Variants in TRAPPC8 observed in about 807,000 individuals in gnomAD.
TRAPPC8 encodes general sporulation gene 1 homolog.
TRAPPC8 carries 54 observed loss-of-function variants against 174.3 expected under a neutral mutation model. That is an observed-to-expected ratio of 0.31 (90% CI 0.25 to 0.39). TRAPPC8 has a LOEUF of 0.39. TRAPPC8 is among the 10% of genes least tolerant of loss of function. The probability of loss-of-function intolerance (pLI) is 1.00; values close to 1 mark genes in which losing one functional copy is unlikely to be tolerated. For synonymous variants in TRAPPC8, 630 were observed against 579.9 expected (o/e 1.09, Z -1.24); for missense variants, 1,531 against 1,699.1 (o/e 0.90, Z 1.74).
intron 11 of TRAPPC8, 123 bp from the exon 12 acceptor site, chr18:31,890,989 T>C (rs890854099): frequency 1.7e-5 from 15 of 867,418 alleles, no homozygotes; most frequent in African/African-American, 5.3e-5. Flanking sequence ...TAAGAGTATA[T>C]GAGGGCAAAG....
intron 1 of TRAPPC8, chr18:31,939,891 C>CA: frequency 6.6e-6 from 1 of 152,620 alleles, no homozygotes; most frequent in Non-Finnish European, 1.5e-5. Context: ...AACAAACAAA[C>CA]AAAAAAACTC....
In TRAPPC8 at chr18:31,855,683, C is replaced by G. The variant is rs775204782; in HGVS notation, c.3313G>C (p.Val1105Leu). The change falls in exon 21 of 29, where the codon GTG becomes CTG. Residue 1105 changes from valine (V) to leucine (L), a missense_variant. Transcript: ENST00000283351. ...ACAGTATTGGTATTTTCCACATCCA[C>G]AAAGACTAGCATATTGCCTCCTCTG... ...EGRGGNMLVF[V>L]DVENTNTSEA... 1.3e-6 allele frequency: 2 copies of G among 1,598,810 alleles called. No individual in the cohort carries two copies. Among genetic ancestry groups the G allele is most frequent in the Non-Finnish European group, 1.7e-6 (2 of 1,176,672 alleles).
intron 1 of TRAPPC8, among the ~76,000 whole-genome samples, chr18:31,942,144 C>T (rs966361070): frequency 5.9e-5 from 9 of 152,202 alleles, no homozygotes; most frequent in African/African-American, 1.9e-4. Flanking sequence ...ACCCTCAACG[C>T]TACAAGAATG....
intron 12 of TRAPPC8, among the ~76,000 whole-genome samples, chr18:31,876,850 G>C (rs2035179695): frequency 6.6e-6 from 1 of 152,270 alleles, no homozygotes; most frequent in Admixed American, 6.5e-5. Context: ...CAGGGACAAG[G>C]ATGTGGGTGG....
Position 31,854,965 on chromosome 18 carries a change from CAAAAAAAAA to C in TRAPPC8, c.3336+686_3336+694del, listed in dbSNP as rs71175798. ...TGGGCGACAGAGCAAGACTCCATCT[CAAAAAAAAA>C]AAAAAAAAAAAAAGAATATTCATTT... is the stretch of plus-strand genomic sequence containing the variant. On this transcript the variant is annotated intron_variant, in intron 21 of 28. Transcript: ENST00000283351. Among the ~76,000 whole-genome samples, 125 of 45,648 alleles carry C rather than the reference CAAAAAAAAA, an allele frequency of 2.7e-3. 2 individuals carry two copies. The highest frequency in any genetic ancestry group is 0.017 in the Admixed American group (57 of 3,394). 29.9% of individuals were successfully genotyped at this position (45,648 alleles called of 152,430 possible). A position where few individuals can be genotyped will look rare whatever the true frequency, so the allele number is the denominator to read the frequency against.
chr18:31,880,119 ATATTTT>A (rs1473363027), intron 12 of TRAPPC8, among the ~76,000 whole-genome samples: 961 of 72,712 alleles, frequency 0.013, 6 homozygotes, highest in African/African-American at 0.036. Flanking sequence ...ATATATATAT[ATATTTT>A]TTTTTTTTTA....
chr18:31,857,932 T>C lies in TRAPPC8; in HGVS notation c.2796A>G (p.Lys932=). ...TGACATTGACAAATTCTACATATGC[T>C]TTTCGGATTTCTCCACAGAGAAGCC... ...PTGLLCGEIR[K]AYVEFVNVSK... Residue 932 remains lysine (K), a synonymous_variant, in exon 20 of 29, where the codon AAA becomes AAG. Coordinates refer to ENST00000283351, the MANE Select transcript of TRAPPC8 (RefSeq NM_014939.5). 6.2e-7 allele frequency: 1 copy of C among 1,613,864 alleles called. No homozygotes were observed. The highest frequency in any genetic ancestry group is 8.5e-7 in the Non-Finnish European group (1 of 1,179,834).
At chr18:31,839,941 G>C (rs2032997215) in intron 26 of TRAPPC8, among the ~76,000 whole-genome samples, 1 of 152,142 alleles carries the variant, frequency 6.6e-6, no homozygotes, top group South Asian at 2.1e-4. Flanking sequence ...GCATTGTATA[G>C]TATAATCTAT....
intron 28 of TRAPPC8, 82 bp downstream of exon 28, chr18:31,832,002 C>T (rs375624916): frequency 2.2e-6 from 2 of 919,326 alleles, no homozygotes; most frequent in Non-Finnish European, 1.6e-6. Context: ...ACTTTCTTAT[C>T]CATGTTAGGT....
intron 25 of TRAPPC8, 69 bp from the exon 26 acceptor site, chr18:31,846,886 T>C: frequency 1.8e-6 from 2 of 1,115,810 alleles, no homozygotes; most frequent in Non-Finnish European, 1.3e-6. Flanking sequence ...AACCCAATAC[T>C]TGATAGAAAG....
chr18:31,860,631 C>G (rs1326641025), intron 19 of TRAPPC8, among the ~76,000 whole-genome samples: 1 of 152,148 alleles, frequency 6.6e-6, no homozygotes, highest in East Asian at 1.9e-4. Context: ...ATATTAGGCA[C>G]AGGAATATTC....
chr18:31,890,728 C>A lies in TRAPPC8; in HGVS notation c.1728+7G>T. 6.2e-7 allele frequency: 1 copy of A among 1,603,926 alleles called. No homozygotes were observed. Among genetic ancestry groups the A allele is most frequent in the East Asian group, 2.2e-5 (1 of 44,486 alleles). ...GCAACTTTTCATTGTAAAGCAAATG[C>A]ACTCACCTGCCCTGCTTTACTAAAT... On this transcript the variant is annotated splice_region_variant and intron_variant, in intron 12 of 28. Coordinates refer to ENST00000283351, the MANE Select transcript of TRAPPC8 (RefSeq NM_014939.5).
At position 31,866,891 on chromosome 18, in the gene TRAPPC8, T is replaced by C. The variant is rs1368380256; in HGVS notation, c.2548A>G (p.Met850Val). ...VYNLGTIQGS[M>V]TVDGIGALPG... is the part of the protein sequence containing the mutation. ...AGAGCACCAATGCCATCTACTGTCATAGAGCCCTGAATAGTGCCAAGATTA... is the reference window on the plus strand; with the variant it reads ...AGAGCACCAATGCCATCTACTGTCACAGAGCCCTGAATAGTGCCAAGATTA... Residue 850 changes from methionine (M) to valine (V), a missense_variant, in exon 18 of 29, where the codon ATG becomes GTG. Coordinates refer to ENST00000283351, the MANE Select transcript of TRAPPC8 (RefSeq NM_014939.5). 4 of 1,613,768 alleles carry C rather than the reference T, an allele frequency of 2.5e-6. No homozygotes were observed. The highest frequency in any genetic ancestry group is 2.2e-5 in the East Asian group (1 of 44,796).
At position 31,857,733 on chromosome 18, in the gene TRAPPC8, CTGA is replaced by C; in HGVS notation, c.2992_2994del (p.Ser998del). The C allele has an allele frequency of 1.2e-6, 2 of 1,614,094 alleles. No individual in the cohort carries two copies. Among genetic ancestry groups the C allele is most frequent in the South Asian group, 1.1e-5 (1 of 91,078 alleles). On this transcript the variant is annotated inframe_deletion, in exon 20 of 29. Coordinates refer to ENST00000283351, the MANE Select transcript of TRAPPC8 (RefSeq NM_014939.5). ...CCAATGCCAAAGTCTACAGAAGAAG[CTGA>C]TGATATGAGTGCTGTACACACAGAG...
At chr18:31,839,768 T>G (rs534681566) in intron 26 of TRAPPC8, among the ~76,000 whole-genome samples, 1 of 152,218 alleles carries the variant, frequency 6.6e-6, no homozygotes, top group South Asian at 2.1e-4. Context: ...TTTCTTCATA[T>G]GTAAAAAGAA....
intron 14 of TRAPPC8, among the ~76,000 whole-genome samples, chr18:31,871,410 T>C (rs1314818804): frequency 1.3e-5 from 2 of 152,208 alleles, no homozygotes; most frequent in South Asian, 2.1e-4. Flanking sequence ...TGGAGACTAA[T>C]ATAACAAATA....
intron 12 of TRAPPC8, among the ~76,000 whole-genome samples, chr18:31,875,511 G>A (rs2035099513): frequency 6.6e-6 from 1 of 152,140 alleles, no homozygotes; most frequent in Non-Finnish European, 1.5e-5. Flanking sequence ...AGTGGGCTAG[G>A]ACAGCAGCAC....
chr18:31,910,500 C>T (rs972449890), intron 5 of TRAPPC8, among the ~76,000 whole-genome samples: 156 of 152,230 alleles, frequency 1.0e-3, no homozygotes, highest in African/African-American at 3.3e-3. Flanking sequence ...AATTATCCTT[C>T]TATATTTTGA....
In TRAPPC8 at chr18:31,909,747, T is replaced by C; in HGVS notation, c.785A>G (p.Asp262Gly). The C allele has an allele frequency of 6.3e-7, 1 of 1,583,450 alleles. No individual in the cohort carries two copies. Among genetic ancestry groups the C allele is most frequent in the South Asian group, 1.2e-5 (1 of 86,192 alleles). ...NSIQNQESYE[D>G]GPCTITSNKN... is the part of the protein sequence containing the mutation. Reference sequence around the variant, plus strand: ...ATTTGAAGTTATAGTACAAGGGCCATCTTCATATGATTCCTATCAAAATAA... The same window carrying C: ...ATTTGAAGTTATAGTACAAGGGCCACCTTCATATGATTCCTATCAAAATAA... Residue 262 changes from aspartate to glycine, a missense_variant, in exon 6 of 29, where the codon GAT (aspartate) becomes GGT (glycine). Physicochemically the swap from Asp to Gly is moderately conservative, Grantham distance 94. Transcript: ENST00000283351.
Sources: gnomAD v4.1 joint callset for allele counts (sites outside exome capture counted in the v4.1 genomes callset) on GRCh38, gnomAD v4.1.1 for gene constraint, MANE v1.5 for transcripts, NCBI Gene and HGNC (gene_info 2026-07-23, HGNC 2026-07-21) for gene names.